The following DIS3L2 variants were observed in gnomAD, a reference collection of about 807,000 sequenced individuals.
DIS3L2 encodes DIS3 like 3'-5' exoribonuclease 2, also known as DIS3-like exonuclease 2.
In DIS3L2, 34 loss-of-function variants were observed where a neutral mutation model predicts 97.5. The ratio of observed to expected loss-of-function variants is 0.35; its 90% CI spans 0.27 to 0.46. The LOEUF is 0.46. DIS3L2 is among the 20% of genes least tolerant of loss of function. DIS3L2 has a pLI of 1.00. For missense variants in DIS3L2, 1,038 were observed against 1,146.0 expected, an observed-to-expected ratio of 0.91 and a Z score of 1.36; for synonymous variants, 435 against 445.2, an observed-to-expected ratio of 0.98 and a Z score of 0.29.
At chr2:231,970,309 C>T (rs562657019) in intron 1 of DIS3L2, among the ~76,000 whole-genome samples, 100 of 152,186 alleles carry the variant, frequency 6.6e-4, no homozygotes, top group Non-Finnish European at 1.2e-3. Flanking sequence ...CATTTGTTGC[C>T]TAACAATGGA....
intron 12 of DIS3L2, 78 bp downstream of exon 12, chr2:232,249,424 G>A: frequency 6.9e-7 from 1 of 1,449,598 alleles, no homozygotes. Context: ...CATGTGCCTG[G>A]CACTGGCTTG....
intron 3 of DIS3L2, among the ~76,000 whole-genome samples, chr2:232,021,543 T>G (rs2106229347): frequency 6.6e-6 from 1 of 151,846 alleles, no homozygotes; most frequent in Middle Eastern, 3.4e-3. Context: ...CAAATGGTAG[T>G]TAGAGTGACA....
Position 232,263,237 on chromosome 2 carries a change from A to G in DIS3L2, c.1456A>G (p.Ile486Val), listed in dbSNP as rs1693763138. 1 of 1,614,202 alleles carries G rather than the reference A, an allele frequency of 6.2e-7. No individual in the cohort carries two copies. Among genetic ancestry groups the G allele is most frequent in the East Asian group, 2.2e-5 (1 of 44,880 alleles). ...ILDEWFGRTIIRSCTKLSYEH... is the reference protein window; with the variant it reads ...ILDEWFGRTIVRSCTKLSYEH... ...TGATGAATGGTTTGGCCGGACCATC[A>G]TCCGCTCCTGCACCAAACTTAGCTA... Residue 486 changes from isoleucine (I) to valine (V), a missense_variant, in exon 13 of 21, where the codon ATC becomes GTC. Physicochemically the swap from Ile to Val is conservative, Grantham distance 29. Around this residue, in one of 3 missense-constraint regions of DIS3L2, gnomAD observed 813 missense variants for 880.1 expected, o/e 0.92. Coordinates refer to ENST00000325385, the MANE Select transcript of DIS3L2 (RefSeq NM_152383.5).
chr2:231,970,839 TATA>T (rs1432039469), intron 1 of DIS3L2, among the ~76,000 whole-genome samples: 2 of 152,204 alleles, frequency 1.3e-5, no homozygotes, highest in African/African-American at 4.8e-5. Context: ...TTTTGATTCT[TATA>T]ATAATACTTA....
chr2:232,304,637 G>A (rs1694942659), intron 14 of DIS3L2, among the ~76,000 whole-genome samples: 1 of 152,214 alleles, frequency 6.6e-6, no homozygotes, highest in Non-Finnish European at 1.5e-5. Context: ...CCAGGACTGT[G>A]GAGCTGCTTT....
chr2:232,005,766 C>G (rs1461533005), intron 1 of DIS3L2, among the ~76,000 whole-genome samples: 1 of 152,168 alleles, frequency 6.6e-6, no homozygotes, highest in Non-Finnish European at 1.5e-5. Flanking sequence ...CAATCATAGT[C>G]TTTCCCAACT....
intron 1 of DIS3L2, among the ~76,000 whole-genome samples, chr2:232,002,279 A>G (rs921548169): frequency 1.3e-5 from 2 of 152,054 alleles, no homozygotes; most frequent in African/African-American, 2.4e-5. Flanking sequence ...ACTGTAGGCT[A>G]TATTTTGAGA....
At chr2:232,107,765 A>G (rs763186666) in intron 6 of DIS3L2, among the ~76,000 whole-genome samples, 10 of 152,220 alleles carry the variant, frequency 6.6e-5, no homozygotes, top group Non-Finnish European at 1.5e-4. Context: ...AGAGAATACT[A>G]TAAACACCTC....
At chr2:232,073,752 A>G (rs910878499) in intron 5 of DIS3L2, among the ~76,000 whole-genome samples, 2 of 152,178 alleles carry the variant, frequency 1.3e-5, no homozygotes, top group African/African-American at 2.4e-5. Context: ...TTGCTTTTCA[A>G]TTTTGAAATA....
At chr2:232,126,509 C>A (rs563510593) in intron 6 of DIS3L2, among the ~76,000 whole-genome samples, 29 of 152,294 alleles carry the variant, frequency 1.9e-4, no homozygotes, top group Non-Finnish European at 3.7e-4. Context: ...GATCAAGGTC[C>A]AGCTATCAAA....
intron 1 of DIS3L2, among the ~76,000 whole-genome samples, chr2:231,984,471 C>T (rs1048355429): frequency 1.3e-5 from 2 of 149,938 alleles, no homozygotes; most frequent in Admixed American, 6.6e-5. Flanking sequence ...ACTGCAAGCT[C>T]CGCCTCCCGG....
At chr2:232,057,848 G>T (rs1374944811) in intron 5 of DIS3L2, among the ~76,000 whole-genome samples, 1 of 152,130 alleles carries the variant, frequency 6.6e-6, no homozygotes, top group Admixed American at 6.5e-5. Context: ...TCCTCATCTT[G>T]GTTAGTGTTG....
rs544977198 is a variant in DIS3L2, at chr2:232,192,394, G to A, written c.1125-17932G>A. ...AATCTCTAACTCACGGTCCTCATAT[G>A]TCTCCACCTTCTTAAACCTATGCCC... On this transcript the variant is annotated intron_variant, in intron 9 of 20. Transcript: ENST00000325385. Among the ~76,000 whole-genome samples, 12 of 152,156 alleles carry A rather than the reference G, an allele frequency of 7.9e-5. No homozygotes were observed. In the South Asian group the frequency reaches 2.3e-3, roughly 29 times the overall value.
intron 14 of DIS3L2, 67 bp from the exon 15 acceptor site, chr2:232,329,746 C>T (rs917270073): frequency 8.6e-6 from 12 of 1,391,724 alleles, no homozygotes; most frequent in Middle Eastern, 2.7e-4. Context: ...CCGGCTGCAG[C>T]GTGGGAAAGC....
chr2:232,054,051 A>G (rs1695479735), intron 5 of DIS3L2, among the ~76,000 whole-genome samples: 1 of 152,178 alleles, frequency 6.6e-6, no homozygotes. Flanking sequence ...GCTTATTACC[A>G]ATAACAAAAG....
downstream of DIS3L2, chr2:232,340,657 A>C: frequency 2.1e-6 from 1 of 467,786 alleles, no homozygotes; most frequent in Non-Finnish European, 4.4e-6. Flanking sequence ...AGATGGGAAG[A>C]CTCCATCCAA....
At chr2:232,133,276 A>G (rs963478485) in intron 7 of DIS3L2, among the ~76,000 whole-genome samples, 2 of 152,234 alleles carry the variant, frequency 1.3e-5, no homozygotes, top group African/African-American at 4.8e-5. Flanking sequence ...GTACCAGTAG[A>G]GACCAGCGGG....
rs141759573 is a variant in DIS3L2 at position 232,325,079 on chromosome 2, G to C, written c.1740-4734G>C. Reference sequence around the variant, plus strand: ...GTTCCTCGATGGTCAGGGAAGGCAGGCTTCCTCTGAAGAGCAGATCGCTTT... The same window carrying C: ...GTTCCTCGATGGTCAGGGAAGGCAGCCTTCCTCTGAAGAGCAGATCGCTTT... On this transcript the variant is annotated intron_variant, in intron 14 of 20. Transcript: ENST00000325385. The surrounding 1 kb of genome is among the most constrained non-coding windows in gnomAD (Gnocchi z 4.6). Among the ~76,000 whole-genome samples, 2 of 152,340 alleles carry C rather than the reference G, an allele frequency of 1.3e-5. No homozygotes were observed. Among genetic ancestry groups the C allele is most frequent in the Non-Finnish European group, 2.9e-5 (2 of 68,034 alleles).
At chr2:232,048,434 A>G (rs969240913) in intron 5 of DIS3L2, among the ~76,000 whole-genome samples, 12 of 152,242 alleles carry the variant, frequency 7.9e-5, no homozygotes, top group African/African-American at 2.6e-4. Flanking sequence ...TCTTGTGGGC[A>G]CTTAATAAGA....
Sources: allele counts gnomAD v4.1 joint callset (sites outside exome capture counted in the v4.1 genomes callset), GRCh38; gene constraint gnomAD v4.1.1; regional missense constraint gnomAD v4.1.1; non-coding constraint Gnocchi (gnomAD v3.1); transcripts MANE v1.5; gene names NCBI Gene and HGNC (gene_info 2026-07-23, HGNC 2026-07-21).